Variants in FANCC observed in about 807,000 individuals in gnomAD.
FANCC encodes FA complementation group C.
FANCC carries 55 observed loss-of-function variants against 71.3 expected under a neutral mutation model. That is an observed-to-expected ratio of 0.77 (90% confidence interval 0.62 to 0.97). The LOEUF is 0.97. FANCC is among the 50% of genes least tolerant of loss of function. The pLI is 0.00. For missense variants in FANCC, 678 were observed against 670.9 expected, an observed-to-expected ratio of 1.01 and a Z score of -0.12; for synonymous variants, 275 against 244.9, an observed-to-expected ratio of 1.12 and a Z score of -1.15.
chr9:95,230,303 G>C (rs1028466127), intron 4 of FANCC, among the ~76,000 whole-genome samples: 3 of 152,182 alleles, frequency 2.0e-5, no homozygotes, highest in African/African-American at 7.2e-5. Flanking sequence ...CCTCATACCA[G>C]TGAGTGGTTT....
chr9:95,194,276 G>A (rs996073424), intron 4 of FANCC, among the ~76,000 whole-genome samples: 2 of 151,916 alleles, frequency 1.3e-5, no homozygotes, highest in Non-Finnish European at 1.5e-5. Flanking sequence ...CCTACTTTTC[G>A]TTTACCTAAA....
At chr9:95,131,341 C>A (rs1447003215) in intron 8 of FANCC, among the ~76,000 whole-genome samples, 2 of 152,230 alleles carry the variant, frequency 1.3e-5, no homozygotes, top group Non-Finnish European at 2.9e-5. Flanking sequence ...AGCTCCTCAG[C>A]CCCCTGCTGC....
At chr9:95,312,059 G>A (rs910826821) in intron 1 of FANCC, among the ~76,000 whole-genome samples, 2 of 152,100 alleles carry the variant, frequency 1.3e-5, no homozygotes, top group African/African-American at 4.8e-5. Flanking sequence ...CCTAATCTCT[G>A]ACCCCACTTT....
At chr9:95,292,599 C>T (rs1020730344) in intron 1 of FANCC, 16 of 1,455,246 alleles carry the variant, frequency 1.1e-5, no homozygotes, top group South Asian at 8.0e-5. Context: ...GTGCACCGTG[C>T]GCGGCTGCCG....
chr9:95,146,921 C>T (rs971445493), intron 7 of FANCC, among the ~76,000 whole-genome samples: 5 of 151,882 alleles, frequency 3.3e-5, no homozygotes, highest in Non-Finnish European at 5.9e-5. Context: ...GAAATAAGTA[C>T]ACTTTGTTGG....
At chr9:95,128,915 T>C (rs953838687) in intron 8 of FANCC, among the ~76,000 whole-genome samples, 5 of 152,124 alleles carry the variant, frequency 3.3e-5, no homozygotes, top group Non-Finnish European at 5.9e-5. Context: ...TCTCCTTTTT[T>C]TTTTTTTTGA....
Position 95,317,598 on chromosome 9 carries a change from G to A in FANCC, c.-151C>T, listed in dbSNP as rs1267475121. 6.6e-6 allele frequency: 1 copy of A among 152,230 alleles called. No homozygotes were observed. Among genetic ancestry groups the A allele is most frequent in the African/African-American group, 2.4e-5 (1 of 41,462 alleles). The allele number at this position is 152,230 out of a possible 1,614,324, so 9.4% of individuals were successfully genotyped here. Reference sequence around the variant, plus strand: ...AAGGAAGCCACCGCCCGGGATCTGTGGCTTGAAAATTTGGCTTTGCCTCGT... The same window carrying A: ...AAGGAAGCCACCGCCCGGGATCTGTAGCTTGAAAATTTGGCTTTGCCTCGT... On this transcript the variant is annotated 5_prime_UTR_variant, in exon 1 of 15. Coordinates refer to ENST00000289081, the MANE Select transcript of FANCC (RefSeq NM_000136.3).
At chr9:95,261,815 T>C (rs927423517) in intron 1 of FANCC, among the ~76,000 whole-genome samples, 14 of 152,308 alleles carry the variant, frequency 9.2e-5, no homozygotes, top group African/African-American at 3.1e-4. Context: ...CAGAAGGCAG[T>C]GTCCAGTGAA....
intron 4 of FANCC, among the ~76,000 whole-genome samples, chr9:95,234,591 C>T (rs960934122): frequency 2.0e-5 from 3 of 152,232 alleles, no homozygotes; most frequent in East Asian, 3.9e-4. Flanking sequence ...ACTTACAAGG[C>T]CACATTAATG....
intron 6 of FANCC, among the ~76,000 whole-genome samples, chr9:95,165,096 T>C (rs1443128552): frequency 6.6e-6 from 1 of 152,034 alleles, no homozygotes; most frequent in Non-Finnish European, 1.5e-5. Context: ...CTCAATCTTT[T>C]TAATTTTTGT....
chr9:95,197,169 A>G (rs1827507144), intron 4 of FANCC, among the ~76,000 whole-genome samples: 1 of 152,138 alleles, frequency 6.6e-6, no homozygotes, highest in South Asian at 2.1e-4. Context: ...CAATATTTCC[A>G]CACAATTTCA....
rs1024858785 is a variant in FANCC, at chr9:95,111,149, T to C, written c.1329+314A>G. 113 of 1,534,772 alleles carry C rather than the reference T, an allele frequency of 7.4e-5. No individual in the cohort carries two copies. The African/African-American group carries it at 1.3e-3, about 18-fold the overall frequency. ...CAGCCCGCCTCTGCAGGGCACGCCT[T>C]GGAGGACGCGACCCTGGGGCAGATA... On this transcript the variant is annotated intron_variant, in intron 13 of 14. Transcript: ENST00000289081.
chr9:95,216,491 G>A (rs1287887813), intron 4 of FANCC, among the ~76,000 whole-genome samples: 1 of 152,138 alleles, frequency 6.6e-6, no homozygotes, highest in Non-Finnish European at 1.5e-5. Context: ...AATTCTCCAT[G>A]GGTCTGCTGC....
chr9:95,125,917 C>T (rs879646942), intron 9 of FANCC, among the ~76,000 whole-genome samples: 1 of 152,318 alleles, frequency 6.6e-6, no homozygotes, highest in East Asian at 1.9e-4. Flanking sequence ...GGTTAGTACT[C>T]CCACTAACTT....
At position 95,128,393 on chromosome 9, in the gene FANCC, T is replaced by C. The variant is rs529632350; in HGVS notation, c.844-1812A>G. ...AGGCAGACAGATAAGAGCTTGGAAATGCGTTGATAGAAAGTAAGATGAAAC... is the reference window on the plus strand; with the variant it reads ...AGGCAGACAGATAAGAGCTTGGAAACGCGTTGATAGAAAGTAAGATGAAAC... On this transcript the variant is annotated intron_variant, in intron 8 of 14. Coordinates refer to ENST00000289081, the MANE Select transcript of FANCC (RefSeq NM_000136.3). 1.3e-4 allele frequency among the ~76,000 whole-genome samples: 20 copies of C among 152,350 alleles called. No individual in the cohort carries two copies. In the South Asian group the frequency reaches 3.5e-3, roughly 27 times the overall value.
intron 1 of FANCC, among the ~76,000 whole-genome samples, chr9:95,292,019 C>T (rs1415056389): frequency 7.6e-6 from 1 of 132,062 alleles, no homozygotes; most frequent in African/African-American, 2.8e-5. Flanking sequence ...CCAAAGCAAT[C>T]TTGCGTCAAA....
intron 13 of FANCC, among the ~76,000 whole-genome samples, chr9:95,110,061 A>G (rs2071784081): frequency 6.6e-6 from 1 of 152,164 alleles, no homozygotes; most frequent in African/African-American, 2.4e-5. Context: ...GAATGGGGGG[A>G]AGGGAAATGG....
intron 10 of FANCC, chr9:95,123,883 A>C: frequency 1.9e-6 from 1 of 535,876 alleles, no homozygotes; most frequent in Non-Finnish European, 3.5e-6. Context: ...TTGAGTCCTT[A>C]AAGTCTGAAG....
chr9:95,123,372 G>C (rs1040066150), intron 10 of FANCC: 2 of 407,586 alleles, frequency 4.9e-6, no homozygotes, highest in African/African-American at 4.2e-5. Flanking sequence ...GGGTGTGGTG[G>C]CTCACACCTG....
Sources: gnomAD v4.1 joint callset for allele counts (sites outside exome capture counted in the v4.1 genomes callset) on GRCh38, gnomAD v4.1.1 for gene constraint, MANE v1.5 for transcripts, NCBI Gene and HGNC (gene_info 2026-07-23, HGNC 2026-07-21) for gene names.